The following PRIM2 variants were observed in gnomAD, a reference collection of about 807,000 sequenced individuals.
PRIM2 encodes DNA primase large subunit.
In PRIM2, 39 loss-of-function variants were observed where a neutral mutation model predicts 67.3. The observed-to-expected ratio is 0.58, with a 90% CI of 0.45 to 0.76. The LOEUF is 0.76. PRIM2 is among the 30% of genes least tolerant of loss of function. The pLI is 0.00. For missense variants in PRIM2, 398 were observed against 598.7 expected, an observed-to-expected ratio of 0.66 and a Z score of 3.50; for synonymous variants, 143 against 198.7, an observed-to-expected ratio of 0.72 and a Z score of 2.36.
At chr6:57,537,351 T>C in intron 9 of PRIM2, 89 bp from the exon 10 acceptor site, 3 of 635,328 alleles carry the variant, frequency 4.7e-6, no homozygotes, top group Non-Finnish European at 7.4e-6. Context: ...TTTATTCCAA[T>C]TAAATTGAAT....
intron 7 of PRIM2, among the ~76,000 whole-genome samples, chr6:57,427,740 A>G (rs1477145532): frequency 1.3e-5 from 2 of 152,172 alleles, no homozygotes; most frequent in Admixed American, 6.5e-5. Context: ...CTCTATGAAT[A>G]TGTTAAGGAT....
chr6:57,459,887 A>G (rs1443646057), intron 7 of PRIM2, among the ~76,000 whole-genome samples: 3 of 152,216 alleles, frequency 2.0e-5, no homozygotes, highest in Admixed American at 2.0e-4. Context: ...CTAACTAGGC[A>G]TCATTATGTA....
At chr6:57,617,690 CCTATT>C (rs1311918065) in intron 12 of PRIM2, among the ~76,000 whole-genome samples, 5 of 151,988 alleles carry the variant, frequency 3.3e-5, no homozygotes, top group Non-Finnish European at 7.4e-5. Context: ...AATATGTTCT[CCTATT>C]CTGTAGGTTT....
At chr6:57,608,355 G>T (rs1246226267) in intron 12 of PRIM2, among the ~76,000 whole-genome samples, 1 of 152,178 alleles carries the variant, frequency 6.6e-6, no homozygotes, top group African/African-American at 2.4e-5. Flanking sequence ...CTTGGGTGAG[G>T]TGTCAGTAAA....
At chr6:57,331,883 C>T (rs1187350519) in intron 5 of PRIM2, among the ~76,000 whole-genome samples, 1 of 151,664 alleles carries the variant, frequency 6.6e-6, no homozygotes, top group Non-Finnish European at 1.5e-5. Flanking sequence ...GTGTTATTCT[C>T]TAGACTCTAT....
intron 8 of PRIM2, among the ~76,000 whole-genome samples, chr6:57,517,215 T>C (rs1419253980): frequency 6.6e-6 from 1 of 152,220 alleles, no homozygotes; most frequent in East Asian, 1.9e-4. Flanking sequence ...TTTAAAACAT[T>C]GATCGCTCTC....
At chr6:57,423,019 T>G (rs1208945402) in intron 7 of PRIM2, among the ~76,000 whole-genome samples, 1 of 152,186 alleles carries the variant, frequency 6.6e-6, no homozygotes, top group Non-Finnish European at 1.5e-5. Flanking sequence ...GCAGAGTAAT[T>G]CCTTGTAACA....
intron 7 of PRIM2, among the ~76,000 whole-genome samples, chr6:57,500,487 T>A (rs1774109195): frequency 6.6e-6 from 1 of 152,170 alleles, no homozygotes; most frequent in Non-Finnish European, 1.5e-5. Context: ...AGCAAAAAGT[T>A]TGGACTAGCC....
At chr6:57,320,893 A>T (rs553748626) in intron 3 of PRIM2, among the ~76,000 whole-genome samples, 7 of 152,236 alleles carry the variant, frequency 4.6e-5, no homozygotes, top group Non-Finnish European at 7.3e-5. Flanking sequence ...GCAATACAGG[A>T]TGATGACTGT....
At chr6:57,252,456 T>A in the PRIM2 span, among the ~76,000 whole-genome samples, 1 of 152,246 alleles carries the variant, frequency 6.6e-6, no homozygotes, top group African/African-American at 2.4e-5. Context: ...TTCTTTTTTT[T>A]TTGAGACGCA....
the PRIM2 span, among the ~76,000 whole-genome samples, chr6:57,271,169 T>G: frequency 6.6e-6 from 1 of 152,238 alleles, no homozygotes; most frequent in Non-Finnish European, 1.5e-5. Context: ...GATTCCCTCT[T>G]TCTCTATTCA....
chr6:57,398,397 T>A (rs991337448), intron 7 of PRIM2, among the ~76,000 whole-genome samples: 1 of 152,176 alleles, frequency 6.6e-6, no homozygotes, highest in African/African-American at 2.4e-5. Flanking sequence ...CTGCCTTAAT[T>A]TCATTTTTTA....
chr6:57,452,281 T>A (rs1772581491), intron 7 of PRIM2, among the ~76,000 whole-genome samples: 1 of 152,214 alleles, frequency 6.6e-6, no homozygotes, highest in Non-Finnish European at 1.5e-5. Flanking sequence ...TTATTTATAA[T>A]CCTTTGGGTA....
chr6:57,347,923 A>T (rs1456616892), intron 5 of PRIM2, among the ~76,000 whole-genome samples: 2 of 152,238 alleles, frequency 1.3e-5, no homozygotes, highest in Non-Finnish European at 2.9e-5. Context: ...AGTGGAATAG[A>T]TGCTGACATT....
At chr6:57,474,092 T>C (rs1456712481) in intron 7 of PRIM2, among the ~76,000 whole-genome samples, 3 of 151,788 alleles carry the variant, frequency 2.0e-5, no homozygotes, top group African/African-American at 7.3e-5. Context: ...TGATTAAGTA[T>C]AGACTAATCT....
intron 7 of PRIM2, among the ~76,000 whole-genome samples, chr6:57,478,915 G>A (rs1300276348): frequency 5.3e-5 from 8 of 152,366 alleles, no homozygotes; most frequent in African/African-American, 1.9e-4. Context: ...AGGAGGCCAA[G>A]GTGGGCGAAT....
intron 7 of PRIM2, among the ~76,000 whole-genome samples, chr6:57,489,476 G>A: frequency 6.6e-6 from 1 of 152,396 alleles, no homozygotes; most frequent in Middle Eastern, 3.4e-3. Flanking sequence ...AGAATGGCGT[G>A]AACCCGGGAG....
At chr6:57,568,188 A>G (rs1212950049) in intron 10 of PRIM2, among the ~76,000 whole-genome samples, 1 of 152,188 alleles carries the variant, frequency 6.6e-6, no homozygotes, top group African/African-American at 2.4e-5. Context: ...GTATTTGACC[A>G]CATAAATCAG....
the PRIM2 span, among the ~76,000 whole-genome samples, chr6:57,297,007 C>T: frequency 3.9e-5 from 6 of 151,918 alleles, no homozygotes; most frequent in Non-Finnish European, 7.4e-5. Flanking sequence ...GGACCATACT[C>T]TATAGAATAA....
Sources: gnomAD v4.1 joint callset for allele counts (sites outside exome capture counted in the v4.1 genomes callset) on GRCh38, gnomAD v4.1.1 for gene constraint, MANE v1.5 for transcripts, NCBI Gene and HGNC (gene_info 2026-07-23, HGNC 2026-07-21) for gene names.